Variants in CRYBG1 observed in about 807,000 individuals in gnomAD.
CRYBG1 encodes crystallin beta-gamma domain containing 1.
CRYBG1 carries 139 observed loss-of-function variants against 189.2 expected under a neutral mutation model. The observed-to-expected ratio is 0.73, with a 90% CI of 0.64 to 0.85. The LOEUF (loss-of-function observed/expected upper bound fraction) is 0.85. Among genes scored for constraint, CRYBG1 ranks in the 40% least tolerant of loss-of-function variants. CRYBG1 has a pLI of 0.00. For missense variants in CRYBG1, 2,611 were observed against 2,675.8 expected (o/e 0.98, Z 0.53); for synonymous variants, 1,023 against 1,017.1 (o/e 1.01, Z -0.11).
chr6:106,565,418 A>G (rs1419807927), intron 21 of CRYBG1, among the ~76,000 whole-genome samples: 1 of 152,188 alleles, frequency 6.6e-6, no homozygotes, highest in Non-Finnish European at 1.5e-5. Context: ...CATTTTCATC[A>G]GGGGCTTTGG....
chr6:106,467,697 T>C (rs9486356), intron 2 of CRYBG1, among the ~76,000 whole-genome samples: 1,527 of 152,226 alleles, frequency 0.01, 28 homozygotes, highest in African/African-American at 0.036. Flanking sequence ...GAAGAATTTC[T>C]AAGCTTTTTC....
intron 2 of CRYBG1, among the ~76,000 whole-genome samples, chr6:106,484,558 G>A (rs75782974): frequency 0.3 from 46,010 of 151,988 alleles, 7,972 homozygotes; most frequent in East Asian, 0.42. Context: ...GGCCTTGAGC[G>A]ATCTTCCTGC....
At chr6:106,436,025 T>C (rs1771446396) in intron 1 of CRYBG1, among the ~76,000 whole-genome samples, 1 of 152,244 alleles carries the variant, frequency 6.6e-6, no homozygotes, top group Non-Finnish European at 1.5e-5. Flanking sequence ...TATTAAATTA[T>C]GTAAAAAGGT....
At chr6:106,433,898 T>A (rs1031466464) in intron 1 of CRYBG1, among the ~76,000 whole-genome samples, 6 of 151,568 alleles carry the variant, frequency 4.0e-5, no homozygotes, top group Non-Finnish European at 8.8e-5. Context: ...AAATTTAGTG[T>A]CTTGAAACAA....
At chr6:106,384,937 C>A (rs1770355820) in intron 1 of CRYBG1, among the ~76,000 whole-genome samples, 2 of 127,738 alleles carry the variant, frequency 1.6e-5, no homozygotes, top group Non-Finnish European at 3.5e-5. Flanking sequence ...TGTCAGAAAT[C>A]CCAATGTTCA....
At chr6:106,400,172 G>A (rs946032646) in intron 1 of CRYBG1, among the ~76,000 whole-genome samples, 2 of 147,244 alleles carry the variant, frequency 1.4e-5, no homozygotes, top group African/African-American at 2.5e-5. Flanking sequence ...GAGAGAAAAG[G>A]TCTCCCCATG....
At chr6:106,362,370 A>G (rs1443056227) in intron 1 of CRYBG1, among the ~76,000 whole-genome samples, 1 of 152,218 alleles carries the variant, frequency 6.6e-6, no homozygotes, top group African/African-American at 2.4e-5. Context: ...TATAAAAAAC[A>G]ATGAGAGACA....
chr6:106,462,328 G>A (rs1187269741), intron 2 of CRYBG1, among the ~76,000 whole-genome samples: 1 of 152,108 alleles, frequency 6.6e-6, no homozygotes, highest in African/African-American at 2.4e-5. Flanking sequence ...CCGCCACCAT[G>A]CCCAGCTAAT....
chr6:106,450,025 G>T (rs1771747699), intron 1 of CRYBG1, among the ~76,000 whole-genome samples: 1 of 151,690 alleles, frequency 6.6e-6, no homozygotes, highest in Non-Finnish European at 1.5e-5. Context: ...AGGAGTTCGA[G>T]ATTAGCCTGG....
rs748782663 is a variant in CRYBG1 at position 106,563,756 on chromosome 6, C to T, written c.6139-8C>T. On this transcript the variant is annotated splice_polypyrimidine_tract_variant and splice_region_variant and intron_variant, in intron 20 of 21. Transcript: ENST00000633556. ...TATTTAAGATATCTGGTCTTTTCCA[C>T]TGAGCAGATAGCAGAAGACTGCTGC... The T allele has an allele frequency of 9.4e-6, 15 of 1,593,438 alleles. No homozygotes were observed. Among genetic ancestry groups the T allele is most frequent in the Middle Eastern group, 1.7e-4 (1 of 6,008 alleles).
rs397976859 is a variant in CRYBG1 at position 106,521,711 on chromosome 6, C to CTTTTTTT, written c.4245+277_4245+283dup. On this transcript the variant is annotated intron_variant, in intron 4 of 21. Transcript: ENST00000633556. ...CTACAAATGCTCTAAGGCACATGATCTTTTTTTTTTTTTTTTTTTTTTTTT... is the reference window on the plus strand; with the variant it reads ...CTACAAATGCTCTAAGGCACATGATCTTTTTTTTTTTTTTTTTTTTTTTTTTTTTTTT... Among the ~76,000 whole-genome samples the CTTTTTTT allele has an allele frequency of 1.7e-3, 126 of 72,186 alleles. 12 individuals carry two copies. The highest frequency in any genetic ancestry group is 3.8e-3 in the African/African-American group (65 of 17,142). The allele number at this position is 72,186 out of a possible 152,430, so 47.4% of individuals were successfully genotyped here.
At chr6:106,386,581 G>A (rs1770393459) in intron 1 of CRYBG1, among the ~76,000 whole-genome samples, 1 of 152,150 alleles carries the variant, frequency 6.6e-6, no homozygotes, top group Non-Finnish European at 1.5e-5. Context: ...CTGCTCCCCA[G>A]TGCGTGCATC....
At chr6:106,513,077 G>T (rs1374331332) in intron 3 of CRYBG1, 38 bp downstream of exon 3, 3 of 1,574,706 alleles carry the variant, frequency 1.9e-6, no homozygotes, top group Non-Finnish European at 2.6e-6. Flanking sequence ...GTTGCTGTCC[G>T]CACACGTGCT....
intron 1 of CRYBG1, among the ~76,000 whole-genome samples, chr6:106,361,953 T>TTTTA (rs1771877291): frequency 1.1e-5 from 1 of 89,132 alleles, no homozygotes; most frequent in Non-Finnish European, 2.1e-5. Context: ...ATGGTTTTCC[T>TTTTA]TTTATTTCTT....
Position 106,407,400 on chromosome 6 carries a change from C to A in CRYBG1, c.174-44294C>A, listed in dbSNP as rs376891342. 8.4e-5 allele frequency among the ~76,000 whole-genome samples: 3 copies of A among 35,786 alleles called. No individual in the cohort carries two copies. The East Asian group carries it at 3.6e-3, about 43-fold the overall frequency. 23.5% of individuals were successfully genotyped at this position (35,786 alleles called of 152,430 possible). A position where few individuals can be genotyped will look rare whatever the true frequency, so the allele number is the denominator to read the frequency against. On this transcript the variant is annotated intron_variant, in intron 1 of 21. Coordinates refer to ENST00000633556, the MANE Select transcript of CRYBG1 (RefSeq NM_001371242.2). ...GATTCATAAAGCAAGTTCTTAGACA[C>A]CTACAAAGAGACTTTGACTCCCATA...
At chr6:106,398,398 C>T (rs563686756) in intron 1 of CRYBG1, among the ~76,000 whole-genome samples, 28 of 152,114 alleles carry the variant, frequency 1.8e-4, no homozygotes, top group African/African-American at 6.5e-4. Flanking sequence ...GGGCTGAGAT[C>T]GTGCTACTGT....
chr6:106,513,107 C>T (rs1207211650), intron 3 of CRYBG1, 68 bp downstream of exon 3: 3 of 1,505,438 alleles, frequency 2.0e-6, no homozygotes, highest in African/African-American at 2.8e-5. Context: ...CTCTGAGAGG[C>T]TCGGGGTATC....
intron 1 of CRYBG1, among the ~76,000 whole-genome samples, chr6:106,428,557 C>T (rs1771268758): frequency 6.6e-6 from 1 of 152,116 alleles, no homozygotes; most frequent in South Asian, 2.1e-4. Context: ...TGTACTATCC[C>T]ATTTAATTCC....
At chr6:106,496,280 G>A (rs116594153) in intron 2 of CRYBG1, among the ~76,000 whole-genome samples, 2,478 of 152,288 alleles carry the variant, frequency 0.016, 62 homozygotes, top group African/African-American at 0.054. Context: ...TGGTCATAGA[G>A]GCATAAGTAT....
Sources: allele counts gnomAD v4.1 joint callset (sites outside exome capture counted in the v4.1 genomes callset), GRCh38; gene constraint gnomAD v4.1.1; transcripts MANE v1.5; gene names NCBI Gene and HGNC (gene_info 2026-07-23, HGNC 2026-07-21).